The following DLGAP1 variants were observed in gnomAD, a reference collection of about 807,000 sequenced individuals.
DLGAP1 encodes the protein DLG associated protein 1, also known as disks large-associated protein 1.
A neutral mutation model predicts 90.8 loss-of-function variants in DLGAP1; 11 were observed. The observed-to-expected ratio is 0.12, with a 90% CI of 0.08 to 0.20. The LOEUF is 0.20. DLGAP1 is among the 10% of genes least tolerant of loss of function. DLGAP1 has a pLI of 1.00. For missense variants in DLGAP1, 1,050 were observed against 1,333.8 expected, an observed-to-expected ratio of 0.79 and a Z score of 3.31; for synonymous variants, 558 against 540.7, an observed-to-expected ratio of 1.03 and a Z score of -0.44.
rs16946256 is a variant in DLGAP1, at chr18:4,205,317, T to C, written c.-266-54030A>G. On this transcript the variant is annotated intron_variant, in intron 1 of 12. Coordinates refer to ENST00000315677, the MANE Select transcript of DLGAP1 (RefSeq NM_004746.4). Reference sequence around the variant, plus strand: ...TAGGAGATCTGAAGGGGTGCCATGGTGGTGTGTGTCTACGGCATATGGCAC... The same window carrying C: ...TAGGAGATCTGAAGGGGTGCCATGGCGGTGTGTGTCTACGGCATATGGCAC... Among the ~76,000 whole-genome samples, 873 of 151,978 alleles carry C rather than the reference T, an allele frequency of 5.7e-3. 7 individuals carry two copies. Among genetic ancestry groups the C allele is most frequent in the African/African-American group, 0.02 (827 of 41,478 alleles).
At chr18:4,450,021 GA>G (rs2083780004) in intron 1 of DLGAP1, among the ~76,000 whole-genome samples, 1 of 152,210 alleles carries the variant, frequency 6.6e-6, no homozygotes, top group African/African-American at 2.4e-5. Flanking sequence ...TTGAAAGGAT[GA>G]AAAGGTGACT....
intron 3 of DLGAP1, chr18:3,895,954 C>G (rs2071611795): frequency 6.6e-6 from 1 of 152,170 alleles, no homozygotes; most frequent in Non-Finnish European, 1.5e-5. Context: ...TCCACTCTTG[C>G]CAGGAGGGAA....
intron 3 of DLGAP1, among the ~76,000 whole-genome samples, chr18:3,905,309 G>A (rs1481423089): frequency 8.0e-6 from 1 of 125,334 alleles, no homozygotes; most frequent in Non-Finnish European, 1.6e-5. Context: ...GGAGCTTGCA[G>A]TGAACCGAGA....
At position 3,775,047 on chromosome 18, in the gene DLGAP1, A is replaced by T. The variant is rs2064875570; in HGVS notation, c.1173-32535T>A. ...TCTCATCTGGACGGACTTTTTTCACAAACCACTGTCGCTCTGCAGGCCCCA... is the reference window on the plus strand; with the variant it reads ...TCTCATCTGGACGGACTTTTTTCACTAACCACTGTCGCTCTGCAGGCCCCA... On this transcript the variant is annotated intron_variant, in intron 5 of 12. Coordinates refer to ENST00000315677, the MANE Select transcript of DLGAP1 (RefSeq NM_004746.4). The surrounding 1 kb of genome is among the most constrained non-coding windows in gnomAD (Gnocchi z 4.9). Among the ~76,000 whole-genome samples, 1 of 152,180 alleles carries T rather than the reference A, an allele frequency of 6.6e-6. No homozygotes were observed. Among genetic ancestry groups the T allele is most frequent in the African/African-American group, 2.4e-5 (1 of 41,444 alleles).
intron 2 of DLGAP1, among the ~76,000 whole-genome samples, chr18:4,138,584 G>A (rs1304212060): frequency 1.3e-5 from 2 of 151,972 alleles, no homozygotes; most frequent in African/African-American, 4.8e-5. Flanking sequence ...AAGGGATATT[G>A]ACCAGTAGTT....
chr18:3,880,063 T>C lies in DLGAP1; in HGVS notation c.6A>G (p.Lys2=). 6.2e-7 allele frequency: 1 copy of C among 1,600,380 alleles called. No individual in the cohort carries two copies. Among genetic ancestry groups the C allele is most frequent in the Non-Finnish European group, 8.5e-7 (1 of 1,179,682 alleles). The part of the protein sequence containing the change: M[K]GLSGSRSHHH... ...GATGGCTGCGGCTGCCTGATAGCCC[T>C]TTCATGGCGGACCGGAAGCAGCCGC... The change falls in exon 4 of 13, where the codon AAA becomes AAG. Residue 2 remains lysine, a synonymous_variant. Transcript: ENST00000315677.
In DLGAP1 at chr18:4,340,418, T is replaced by A. The variant is rs540858723; in HGVS notation, c.-267+114588A>T. ...GAATTTATTTCTGGAATTTTCCATT[T>A]CATATTTTCAGACTGCGGTTTACCA... On this transcript the variant is annotated intron_variant, in intron 1 of 12. Transcript: ENST00000315677. 2.6e-5 allele frequency among the ~76,000 whole-genome samples: 4 copies of A among 152,346 alleles called. No homozygotes were observed. In the South Asian group the frequency reaches 6.2e-4, roughly 24 times the overall value.
chr18:4,009,022 G>C (rs1413836583), intron 2 of DLGAP1, among the ~76,000 whole-genome samples: 3 of 152,194 alleles, frequency 2.0e-5, no homozygotes, highest in Admixed American at 2.0e-4. Flanking sequence ...TCCTGCCTCA[G>C]CCTTTGGAGT....
intron 4 of DLGAP1, among the ~76,000 whole-genome samples, chr18:3,842,839 G>C (rs1398660494): frequency 6.6e-6 from 1 of 152,060 alleles, no homozygotes; most frequent in Non-Finnish European, 1.5e-5. Context: ...CGATATCTTT[G>C]TGTACCCCAA....
chr18:4,287,575 C>T (rs1324666715), intron 1 of DLGAP1, among the ~76,000 whole-genome samples: 1 of 152,090 alleles, frequency 6.6e-6, no homozygotes, highest in African/African-American at 2.4e-5. Context: ...CCATCATTCT[C>T]GGCAAAGTAA....
intron 1 of DLGAP1, among the ~76,000 whole-genome samples, chr18:4,372,550 T>C (rs2081938703): frequency 6.6e-6 from 1 of 152,224 alleles, no homozygotes. Flanking sequence ...GGTATAGATT[T>C]GTGGACTAAC....
intron 2 of DLGAP1, among the ~76,000 whole-genome samples, chr18:4,111,962 A>AATT (rs1292294222): frequency 6.6e-6 from 1 of 150,480 alleles, no homozygotes; most frequent in Non-Finnish European, 1.5e-5. Flanking sequence ...TAATAATAAT[A>AATT]ATTATTATTT....
intron 7 of DLGAP1, among the ~76,000 whole-genome samples, chr18:3,625,839 T>C (rs2058274033): frequency 6.6e-6 from 1 of 152,244 alleles, no homozygotes; most frequent in South Asian, 2.1e-4. Context: ...TTCCTTGAAC[T>C]ACCAATGTTG....
At chr18:4,181,589 T>G (rs2077208984) in intron 1 of DLGAP1, among the ~76,000 whole-genome samples, 1 of 152,174 alleles carries the variant, frequency 6.6e-6, no homozygotes, top group Admixed American at 6.5e-5. Context: ...TCTGATCTTT[T>G]AATAGACTTT....
chr18:3,925,956 C>T (rs1038566436), intron 3 of DLGAP1, among the ~76,000 whole-genome samples: 49 of 152,196 alleles, frequency 3.2e-4, no homozygotes, highest in African/African-American at 9.4e-4. Context: ...TATGGGACAG[C>T]AATTCGGAAT....
At chr18:4,056,264 G>A (rs2075215140) in intron 2 of DLGAP1, among the ~76,000 whole-genome samples, 1 of 152,136 alleles carries the variant, frequency 6.6e-6, no homozygotes, top group African/African-American at 2.4e-5. Context: ...AAAGGTTTGG[G>A]CAGGCTGATG....
chr18:4,199,263 T>C (rs140393626), intron 1 of DLGAP1, among the ~76,000 whole-genome samples: 28 of 152,356 alleles, frequency 1.8e-4, no homozygotes, highest in South Asian at 4.1e-4. Context: ...CTCTGTCTTC[T>C]TGCTTGCCTT....
At chr18:4,369,024 A>T (rs1199702205) in intron 1 of DLGAP1, among the ~76,000 whole-genome samples, 2 of 152,174 alleles carry the variant, frequency 1.3e-5, no homozygotes, top group African/African-American at 4.8e-5. Context: ...CCAGCATCCT[A>T]CACTGCATCA....
At chr18:3,855,532 C>T (rs2069586832) in intron 4 of DLGAP1, among the ~76,000 whole-genome samples, 1 of 151,962 alleles carries the variant, frequency 6.6e-6, no homozygotes, top group African/African-American at 2.4e-5. Context: ...TGAAGGAATG[C>T]CATGTGGAGG....
Sources: allele counts gnomAD v4.1 joint callset (sites outside exome capture counted in the v4.1 genomes callset), GRCh38; gene constraint gnomAD v4.1.1; non-coding constraint Gnocchi (gnomAD v3.1); transcripts MANE v1.5; gene names NCBI Gene and HGNC (gene_info 2026-07-23, HGNC 2026-07-21).